The following CCER1 variants were observed in gnomAD, a reference collection of about 807,000 sequenced individuals.
CCER1 encodes coiled-coil domain-containing glutamate-rich protein 1.
For synonymous variants in CCER1, 246 were observed against 213.8 expected (o/e 1.15, Z -1.31); for missense variants, 573 against 524.5 (o/e 1.09, Z -0.90).
In CCER1 at chr12:90,954,352, G is replaced by T; in HGVS notation, c.391C>A (p.Pro131Thr). 6.2e-7 allele frequency: 1 copy of T among 1,609,360 alleles called. No homozygotes were observed. Among genetic ancestry groups the T allele is most frequent in the Non-Finnish European group, 8.5e-7 (1 of 1,179,768 alleles). Residue 131 changes from proline to threonine, a missense_variant, in exon 1 of 1, where the codon CCT becomes ACT. Transcript: ENST00000358859. ...CTGCCTGGGGGCTTCACCCAGCCAG[G>T]GTTCCAGGACCCGCTCCAGCAGGAG... ...CCSCWSGSWN[P>T]GWVKPPGRKK...
Position 90,954,221 on chromosome 12 carries a change from C to T in CCER1, c.522G>A (p.Lys174=). The T allele has an allele frequency of 1.9e-6, 3 of 1,607,690 alleles. No homozygotes were observed. The highest frequency in any genetic ancestry group is 2.2e-5 in the East Asian group (1 of 44,864). ...TGCCAGGCTCTCTCCACTCATACAG[C>T]TTGACCGGCCGCGGCAGCGTGCTCA... is the stretch of plus-strand genomic sequence containing the variant. ...ADVSTLPRPV[K]LYEWREPGMR... Residue 174 remains lysine, a synonymous_variant, in exon 1 of 1, where the codon AAG becomes AAA. Coordinates refer to ENST00000358859, the MANE Select transcript of CCER1 (RefSeq NM_152638.4).
At position 90,953,977 on chromosome 12, in the gene CCER1, T is replaced by G. The variant is rs760239369; in HGVS notation, c.766A>C (p.Asn256His). 1.2e-6 allele frequency: 2 copies of G among 1,614,076 alleles called. No individual in the cohort carries two copies. Among genetic ancestry groups the G allele is most frequent in the Non-Finnish European group, 1.7e-6 (2 of 1,180,036 alleles). ...LQETLYGFVQNPSLAFSPNPE... is the reference protein window; with the variant it reads ...LQETLYGFVQHPSLAFSPNPE... ...TTGGGACTGAATGCTAGAGAGGGAT[T>G]CTGCACAAAGCCATACAGAGTTTCC... is the stretch of plus-strand genomic sequence containing the variant. The change falls in exon 1 of 1, where the codon AAT becomes CAT. Residue 256 changes from asparagine (N) to histidine (H), a missense_variant. Physicochemically the swap from Asn to His is moderately conservative, Grantham distance 68 (BLOSUM62 1). Coordinates refer to ENST00000358859, the MANE Select transcript of CCER1 (RefSeq NM_152638.4).
Position 90,953,678 on chromosome 12 carries a change from T to G in CCER1, c.1065A>C (p.Glu355Asp). 2 of 1,614,158 alleles carry G rather than the reference T, an allele frequency of 1.2e-6. No homozygotes were observed. The highest frequency in any genetic ancestry group is 1.7e-6 in the Non-Finnish European group (2 of 1,180,026). ...EVLEENEQRGEEFHLPLEMPL... is the reference protein window; with the variant it reads ...EVLEENEQRGDEFHLPLEMPL... Reference sequence around the variant, plus strand: ...GCATTTCCAGAGGCAAGTGAAATTCTTCCCCTCTCTGCTCGTTCTCCTCCA... The same window carrying G: ...GCATTTCCAGAGGCAAGTGAAATTCGTCCCCTCTCTGCTCGTTCTCCTCCA... Residue 355 changes from glutamate (E) to aspartate (D), a missense_variant, in exon 1 of 1, where the codon GAA becomes GAC. Physicochemically the swap from Glu to Asp is conservative, Grantham distance 45. Coordinates refer to ENST00000358859, the MANE Select transcript of CCER1 (RefSeq NM_152638.4).
chr12:90,952,836 A>T lies in CCER1; in HGVS notation c.*686T>A, dbSNP rs959336390. 3 of 152,658 alleles carry T rather than the reference A, an allele frequency of 2.0e-5. No individual in the cohort carries two copies. The highest frequency in any genetic ancestry group is 4.4e-5 in the Non-Finnish European group (3 of 68,044). 9.5% of individuals were successfully genotyped at this position (152,658 alleles called of 1,614,324 possible). On this transcript the variant is annotated 3_prime_UTR_variant, in exon 1 of 1. Coordinates refer to ENST00000358859, the MANE Select transcript of CCER1 (RefSeq NM_152638.4). ...CTGACCATGGGGAATCCTCTCCATG[A>T]CTGGATTATGGATTGTTGAGGCCAT... is the stretch of plus-strand genomic sequence containing the variant.
At position 90,954,448 on chromosome 12, in the gene CCER1, A is replaced by G; in HGVS notation, c.295T>C (p.Phe99Leu). The change falls in exon 1 of 1, where the codon TTC (phenylalanine) becomes CTC (leucine). Residue 99 changes from phenylalanine (F) to leucine (L), a missense_variant. Physicochemically the swap from Phe to Leu is conservative, Grantham distance 22. Transcript: ENST00000358859. The part of the protein sequence containing the change: ...GGPWRPPPPG[F>L]WKFPCPVQVF... The stretch of plus-strand genomic sequence containing the variant: ...TGCACCGGGCAGGGGAATTTCCAGA[A>G]TCCTGGAGGGGGTGGGCGCCAGGGC... 1 of 1,610,520 alleles carries G rather than the reference A, an allele frequency of 6.2e-7. No homozygotes were observed. The highest frequency in any genetic ancestry group is 8.5e-7 in the Non-Finnish European group (1 of 1,177,940).
In CCER1 at chr12:90,952,919, A is replaced by C. The variant is rs964268676; in HGVS notation, c.*603T>G. ...TGTTCTTCTGAGGAAGATCCATAGC[A>C]CTGTGGAACAAGGAATATCAATAAG... On this transcript the variant is annotated 3_prime_UTR_variant, in exon 1 of 1. Coordinates refer to ENST00000358859, the MANE Select transcript of CCER1 (RefSeq NM_152638.4). 6.5e-6 allele frequency: 1 copy of C among 152,980 alleles called. No individual in the cohort carries two copies. Among genetic ancestry groups the C allele is most frequent in the East Asian group, 1.9e-4 (1 of 5,198 alleles). The allele number at this position is 152,980 out of a possible 1,614,324, so 9.5% of individuals were successfully genotyped here. A position where few individuals can be genotyped will look rare whatever the true frequency, so the allele number is the denominator to read the frequency against.
chr12:90,953,615 C>A lies in CCER1; in HGVS notation c.1128G>T (p.Glu376Asp), dbSNP rs528219668. The change falls in exon 1 of 1, where the codon GAG becomes GAT. Residue 376 changes from glutamate (E) to aspartate (D), a missense_variant. By Grantham distance (45) the Glu-to-Asp change is conservative. Transcript: ENST00000358859. ...TTAAAAAAGTGCAGCTTATAAAGTT[C>A]TCTCTCTTTTCTTCAGCCTCTACGA... ...SIFVEAEEKR[E>D]NFISCTFLNP... is the part of the protein sequence containing the mutation. 1 of 1,614,054 alleles carries A rather than the reference C, an allele frequency of 6.2e-7. No individual in the cohort carries two copies. Among genetic ancestry groups the A allele is most frequent in the East Asian group, 2.2e-5 (1 of 44,872 alleles).
In CCER1 at chr12:90,954,718, C is replaced by T. The variant is rs1335250842; in HGVS notation, c.25G>A (p.Glu9Lys). MTQTLDTR[E>K]DPLNLGGGGG... is the part of the protein sequence containing the mutation. ...CCGCCGCCCAGGTTCAGAGGGTCTT[C>T]CCTTGTGTCGAGGGTCTGAGTCATG... Residue 9 changes from glutamate to lysine, a missense_variant, in exon 1 of 1, where the codon GAA becomes AAA. By Grantham distance (56) the Glu-to-Lys change is moderately conservative. Transcript: ENST00000358859. 2 of 1,555,520 alleles carry T rather than the reference C, an allele frequency of 1.3e-6. No homozygotes were observed. Among genetic ancestry groups the T allele is most frequent in the African/African-American group, 1.4e-5 (1 of 73,356 alleles).
Position 90,954,970 on chromosome 12 carries a change from G to C in CCER1, c.-228C>G, listed in dbSNP as rs1212728583. 3 of 785,002 alleles carry C rather than the reference G, an allele frequency of 3.8e-6. No homozygotes were observed. Among genetic ancestry groups the C allele is most frequent in the Non-Finnish European group, 4.0e-6 (2 of 501,472 alleles). The allele number at this position is 785,002 out of a possible 1,614,324, so 48.6% of individuals were successfully genotyped here. On this transcript the variant is annotated 5_prime_UTR_variant, in exon 1 of 1. Coordinates refer to ENST00000358859, the MANE Select transcript of CCER1 (RefSeq NM_152638.4). The stretch of plus-strand genomic sequence containing the variant: ...CTTCGCACCTGGGTTGTCTCGCCCA[G>C]GTGTGCTGGGTGGGACTGGGGCTGG...
rs1433674306 is a variant in CCER1, at chr12:90,953,490, T to C, written c.*32A>G. The C allele has an allele frequency of 1.3e-6, 2 of 1,575,186 alleles. No individual in the cohort carries two copies. Among genetic ancestry groups the C allele is most frequent in the East Asian group, 2.2e-5 (1 of 44,708 alleles). ...TAATCCAGTTTAGCCTCAAATCAGTTCCATCCCTTTTCTCAATCCCTTTTC... is the reference window on the plus strand; with the variant it reads ...TAATCCAGTTTAGCCTCAAATCAGTCCCATCCCTTTTCTCAATCCCTTTTC... On this transcript the variant is annotated 3_prime_UTR_variant, in exon 1 of 1. Coordinates refer to ENST00000358859, the MANE Select transcript of CCER1 (RefSeq NM_152638.4).
chr12:90,954,754 C>A lies in CCER1; in HGVS notation c.-12G>T. 1 of 1,543,254 alleles carries A rather than the reference C, an allele frequency of 6.5e-7. No homozygotes were observed. The highest frequency in any genetic ancestry group is 8.7e-7 in the Non-Finnish European group (1 of 1,143,744). The stretch of plus-strand genomic sequence containing the variant: ...AGGGTCTGAGTCATGGTTCAGGGAG[C>A]TCCGAGAGGTCCAGATGGTAGCGAC... On this transcript the variant is annotated 5_prime_UTR_variant, in exon 1 of 1. Coordinates refer to ENST00000358859, the MANE Select transcript of CCER1 (RefSeq NM_152638.4).
rs367748968 is a variant in CCER1 at position 90,954,569 on chromosome 12, G to A, written c.174C>T (p.Thr58=). The part of the protein sequence containing the change: ...YNRPHRYSPK[T]EYGPPRKQPK... ...GCTGCTTCCTTGGGGGCCCATACTC[G>A]GTCTTGGGGCTATATCGGTGCGGTC... The change falls in exon 1 of 1, where the codon ACC becomes ACT. Residue 58 remains threonine, a synonymous_variant. Transcript: ENST00000358859. 28 of 1,613,948 alleles carry A rather than the reference G, an allele frequency of 1.7e-5. No homozygotes were observed. Among genetic ancestry groups the A allele is most frequent in the Middle Eastern group, 1.7e-4 (1 of 6,054 alleles).
rs1876523991 is a variant in CCER1 at position 90,953,236 on chromosome 12, C to T, written c.*286G>A. 3 of 324,762 alleles carry T rather than the reference C, an allele frequency of 9.2e-6. No homozygotes were observed. The highest frequency in any genetic ancestry group is 6.4e-5 in the African/African-American group (3 of 46,894). The allele number at this position is 324,762 out of a possible 1,614,324, so 20.1% of individuals were successfully genotyped here. ...CAGATTTAAAAAAACAACAGCAACT[C>T]TGTTTTCTAGAGGGGAAAACACCAA... On this transcript the variant is annotated 3_prime_UTR_variant, in exon 1 of 1. Transcript: ENST00000358859.
chr12:90,954,714 T>C lies in CCER1; in HGVS notation c.29A>G (p.Asp10Gly). 6.4e-7 allele frequency: 1 copy of C among 1,557,572 alleles called. No individual in the cohort carries two copies. The highest frequency in any genetic ancestry group is 1.4e-5 in the African/African-American group (1 of 73,392). The change falls in exon 1 of 1, where the codon GAC becomes GGC. Residue 10 changes from aspartate to glycine, a missense_variant. Physicochemically the swap from Asp to Gly is moderately conservative, Grantham distance 94. Transcript: ENST00000358859. Reference sequence around the variant, plus strand: ...GCCACCGCCGCCCAGGTTCAGAGGGTCTTCCCTTGTGTCGAGGGTCTGAGT... The same window carrying C: ...GCCACCGCCGCCCAGGTTCAGAGGGCCTTCCCTTGTGTCGAGGGTCTGAGT... MTQTLDTRE[D>G]PLNLGGGGGG...
Position 90,954,259 on chromosome 12 carries a change from G to A in CCER1, c.484C>T (p.Pro162Ser). 6.2e-7 allele frequency: 1 copy of A among 1,603,662 alleles called. No homozygotes were observed. The highest frequency in any genetic ancestry group is 8.5e-7 in the Non-Finnish European group (1 of 1,178,974). The stretch of plus-strand genomic sequence containing the variant: ...GGCAGCGTGCTCACATCCGCTGGCG[G>A]GCTCCGCGGGTAGGAGTGGCGAGGG... Reference protein sequence around the residue: ...HHPRHSYPRSPPADVSTLPRP... With the variant: ...HHPRHSYPRSSPADVSTLPRP... The change falls in exon 1 of 1, where the codon CCG (proline) becomes TCG (serine). Residue 162 changes from proline (P) to serine (S), a missense_variant. Transcript: ENST00000358859.
chr12:90,954,252 G>T lies in CCER1; in HGVS notation c.491C>A (p.Ala164Glu). 1 of 1,604,580 alleles carries T rather than the reference G, an allele frequency of 6.2e-7. No individual in the cohort carries two copies. Among genetic ancestry groups the T allele is most frequent in the Admixed American group, 1.7e-5 (1 of 59,948 alleles). ...PRHSYPRSPP[A>E]DVSTLPRPVK... Reference sequence around the variant, plus strand: ...CGGCCGCGGCAGCGTGCTCACATCCGCTGGCGGGCTCCGCGGGTAGGAGTG... The same window carrying T: ...CGGCCGCGGCAGCGTGCTCACATCCTCTGGCGGGCTCCGCGGGTAGGAGTG... Residue 164 changes from alanine (A) to glutamate (E), a missense_variant, in exon 1 of 1, where the codon GCG becomes GAG. By Grantham distance (107) the Ala-to-Glu change is moderately radical (BLOSUM62 -1). Coordinates refer to ENST00000358859, the MANE Select transcript of CCER1 (RefSeq NM_152638.4).
At position 90,954,559 on chromosome 12, in the gene CCER1, G is replaced by A; in HGVS notation, c.184C>T (p.Pro62Ser). ...TGTTGCTTCGGCTGCTTCCTTGGGG[G>A]CCCATACTCGGTCTTGGGGCTATAT... ...HRYSPKTEYGPPRKQPKQQHG... is the reference protein window; with the variant it reads ...HRYSPKTEYGSPRKQPKQQHG... The change falls in exon 1 of 1, where the codon CCC (proline) becomes TCC (serine). Residue 62 changes from proline to serine, a missense_variant. Pro to Ser is a moderately conservative substitution (Grantham distance 74). Coordinates refer to ENST00000358859, the MANE Select transcript of CCER1 (RefSeq NM_152638.4). The A allele has an allele frequency of 3.7e-6, 6 of 1,613,890 alleles. No individual in the cohort carries two copies. In the East Asian group the frequency reaches 8.9e-5, roughly 24 times the overall value.
In CCER1 at chr12:90,954,179, G is replaced by C; in HGVS notation, c.564C>G (p.Asn188Lys). 6.2e-7 allele frequency: 1 copy of C among 1,610,260 alleles called. No homozygotes were observed. Among genetic ancestry groups the C allele is most frequent in the Non-Finnish European group, 8.5e-7 (1 of 1,179,948 alleles). ...WREPGMRAPP[N>K]TTQFIMNQIY... ...TCTGGTTCATGATGAATTGGGTGGT[G>C]TTGGGCGGCGCTCGCATGCCAGGCT... The change falls in exon 1 of 1, where the codon AAC becomes AAG. Residue 188 changes from asparagine (N) to lysine (K), a missense_variant. Transcript: ENST00000358859.
chr12:90,954,128 C>T lies in CCER1; in HGVS notation c.615G>A (p.Glu205=), dbSNP rs201092099. 7 of 1,612,292 alleles carry T rather than the reference C, an allele frequency of 4.3e-6. No homozygotes were observed. The highest frequency in any genetic ancestry group is 5.9e-6 in the Non-Finnish European group (7 of 1,179,962). ...NQIYEDMRQQ[E]KVERQQEALR... is the part of the protein sequence containing the mutation. ...GCGCCTCCTGCTGACGCTCCACCTT[C>T]TCCTGCTGCCTCATGTCCTCGTAGA... Residue 205 remains glutamate (E), a synonymous_variant, in exon 1 of 1, where the codon GAG becomes GAA. Coordinates refer to ENST00000358859, the MANE Select transcript of CCER1 (RefSeq NM_152638.4).
Sources: allele counts gnomAD v4.1 joint callset, GRCh38; gene constraint gnomAD v4.1.1; transcripts MANE v1.5; gene names NCBI Gene and HGNC (gene_info 2026-07-23, HGNC 2026-07-21).